The following RASGEF1A variants were observed in gnomAD, a reference collection of about 807,000 sequenced individuals.
RASGEF1A encodes the protein RasGEF domain family member 1A.
A neutral mutation model predicts 56.4 loss-of-function variants in RASGEF1A; 18 were observed. That is an observed-to-expected ratio of 0.32 (90% confidence interval 0.22 to 0.47). The LOEUF is 0.47. RASGEF1A is among the 20% of genes least tolerant of loss of function. RASGEF1A has a pLI of 1.00. For synonymous variants in RASGEF1A, 245 were observed against 242.6 expected, an observed-to-expected ratio of 1.01 and a Z score of -0.09; for missense variants, 422 against 627.1, an observed-to-expected ratio of 0.67 and a Z score of 3.49.
chr10:43,262,286 C>T (rs986310173), intron 1 of RASGEF1A, among the ~76,000 whole-genome samples: 1 of 152,196 alleles, frequency 6.6e-6, no homozygotes, highest in African/African-American at 2.4e-5. Flanking sequence ...GCCATGGCAA[C>T]CAGATCCAGG....
At chr10:43,227,132 C>T (rs1439651775) in intron 1 of RASGEF1A, among the ~76,000 whole-genome samples, 2 of 152,192 alleles carry the variant, frequency 1.3e-5, no homozygotes, top group Non-Finnish European at 2.9e-5. Flanking sequence ...GTTTGGTCTC[C>T]TTCCTCTGGT....
chr10:43,234,758 G>A (rs533711012), intron 1 of RASGEF1A, among the ~76,000 whole-genome samples: 106 of 152,342 alleles, frequency 7.0e-4, no homozygotes, highest in African/African-American at 2.4e-3. Flanking sequence ...AGTGGGGCCC[G>A]AGATGCCAAT....
At chr10:43,235,132 T>A (rs1187463452) in intron 1 of RASGEF1A, among the ~76,000 whole-genome samples, 1 of 152,216 alleles carries the variant, frequency 6.6e-6, no homozygotes, top group Non-Finnish European at 1.5e-5. Context: ...AGAATAATAT[T>A]CCATGCACTG....
chr10:43,207,788 C>A, intron 1 of RASGEF1A: 1 of 808,884 alleles, frequency 1.2e-6, no homozygotes, highest in Non-Finnish European at 1.5e-6. Context: ...TTCTGTACCC[C>A]AACGCGCTCT....
At chr10:43,207,913 C>A (rs748502947) in intron 1 of RASGEF1A, 54 of 558,858 alleles carry the variant, frequency 9.7e-5, no homozygotes, top group Non-Finnish European at 1.2e-4. Context: ...CCAAGTCCAG[C>A]CTAGGTGTCA....
chr10:43,261,166 T>G (rs1046564168), intron 1 of RASGEF1A, among the ~76,000 whole-genome samples: 1 of 152,160 alleles, frequency 6.6e-6, no homozygotes, highest in African/African-American at 2.4e-5. Context: ...GAAGAACAGC[T>G]GGGACCCCTG....
rs116999365 is a variant in RASGEF1A at position 43,226,005 on chromosome 10, G to A, written c.-6-19883C>T. 8.5e-3 allele frequency among the ~76,000 whole-genome samples: 1,297 copies of A among 152,230 alleles called. 12 individuals are homozygous for A. Among genetic ancestry groups the A allele is most frequent in the Admixed American group, 0.013 (194 of 15,288 alleles). Reference sequence around the variant, plus strand: ...GGGGCTGGGTCCCAGCCCGGAAGGCGGGTGTGGGCGGTGACAGGGGTGGGG... The same window carrying A: ...GGGGCTGGGTCCCAGCCCGGAAGGCAGGTGTGGGCGGTGACAGGGGTGGGG... On this transcript the variant is annotated intron_variant, in intron 1 of 12. Coordinates refer to ENST00000395810, the MANE Select transcript of RASGEF1A (RefSeq NM_145313.4).
chr10:43,250,891 A>AC (rs1188781723), intron 1 of RASGEF1A, among the ~76,000 whole-genome samples: 1 of 152,154 alleles, frequency 6.6e-6, no homozygotes, highest in Non-Finnish European at 1.5e-5. Flanking sequence ...CCAGGCACTG[A>AC]CCCGCAACCC....
intron 1 of RASGEF1A, among the ~76,000 whole-genome samples, chr10:43,228,963 A>G (rs1840320174): frequency 6.6e-6 from 1 of 152,212 alleles, no homozygotes; most frequent in Non-Finnish European, 1.5e-5. Context: ...GGGCACTCAG[A>G]ACCCAGGGGG....
In RASGEF1A at chr10:43,198,078, G is replaced by A. The variant is rs1422534943; in HGVS notation, c.1150C>T (p.Leu384Phe). The A allele has an allele frequency of 6.2e-7, 1 of 1,614,202 alleles. No individual in the cohort carries two copies. The highest frequency in any genetic ancestry group is 1.7e-5 in the Admixed American group (1 of 60,032). The change falls in exon 10 of 13, where the codon CTC becomes TTC. Residue 384 changes from leucine to phenylalanine, a missense_variant. Physicochemically the swap from Leu to Phe is conservative, Grantham distance 22. Around this residue, in one of 2 missense-constraint regions of RASGEF1A, gnomAD observed 149 missense variants for 287.2 expected, o/e 0.52. Transcript: ENST00000395810. ...AGGAAGTAGATGTCCTTAACGAAGAGGTTGAACACAGGGATGACGATCTTT... is the reference window on the plus strand; with the variant it reads ...AGGAAGTAGATGTCCTTAACGAAGAAGTTGAACACAGGGATGACGATCTTT... ...REKIVIPVFN[L>F]FVKDIYFLHK... is the part of the protein sequence containing the mutation.
chr10:43,220,339 A>G (rs2133201844), intron 1 of RASGEF1A, among the ~76,000 whole-genome samples: 1 of 152,286 alleles, frequency 6.6e-6, no homozygotes, highest in Non-Finnish European at 1.5e-5. Context: ...GTCTCTACAG[A>G]AAAATTAGCC....
At position 43,200,775 on chromosome 10, in the gene RASGEF1A, T is replaced by C; in HGVS notation, c.573A>G (p.Val191=). Residue 191 remains valine (V), a synonymous_variant, in exon 5 of 13, where the codon GTA becomes GTG. Transcript: ENST00000395810. ...TGGTCTTGAGGATGGGCCCCTTGTC[T>C]ACAGCCGGTGGCCGGAGCTTCTCTC... is the stretch of plus-strand genomic sequence containing the variant. ...ELREKLRPPA[V]DKGPILKTKP... 1 of 1,613,956 alleles carries C rather than the reference T, an allele frequency of 6.2e-7. No homozygotes were observed.
rs1179296407 is a variant in RASGEF1A at position 43,210,325 on chromosome 10, T to A, written c.-6-4203A>T. ...GTCTCTACTAACATTCAAAAAAAAA[T>A]TAGCCAGGTGTGGTGGCACAGGCCT... On this transcript the variant is annotated intron_variant, in intron 1 of 12. Transcript: ENST00000395810. Among the ~76,000 whole-genome samples the A allele has an allele frequency of 2.6e-5, 4 of 151,972 alleles. No individual in the cohort carries two copies. The Middle Eastern group carries it at 0.01, about 388-fold the overall frequency.
chr10:43,234,863 G>A (rs1433630132), intron 1 of RASGEF1A, among the ~76,000 whole-genome samples: 3 of 152,160 alleles, frequency 2.0e-5, no homozygotes, highest in African/African-American at 7.2e-5. Flanking sequence ...TCAGGGGTCC[G>A]AGGGCTCACG....
intron 1 of RASGEF1A, among the ~76,000 whole-genome samples, chr10:43,215,494 G>C (rs1288165147): frequency 6.6e-6 from 1 of 152,220 alleles, no homozygotes; most frequent in Non-Finnish European, 1.5e-5. Flanking sequence ...GTGGGCCTCA[G>C]GAGGGGAGAG....
intron 10 of RASGEF1A, among the ~76,000 whole-genome samples, 185 bp from the exon 11 acceptor site, chr10:43,197,284 C>A (rs994687204): frequency 6.6e-6 from 1 of 152,202 alleles, no homozygotes; most frequent in African/African-American, 2.4e-5. Context: ...TCAGAGCCAG[C>A]AGGTGTCCCC....
chr10:43,243,988 TG>T (rs1840539907), intron 1 of RASGEF1A, among the ~76,000 whole-genome samples: 1 of 152,204 alleles, frequency 6.6e-6, no homozygotes, highest in Admixed American at 6.5e-5. Flanking sequence ...AGATTGTTAC[TG>T]TGTCTGTGTA....
At chr10:43,227,600 G>A (rs1840297709) in intron 1 of RASGEF1A, among the ~76,000 whole-genome samples, 1 of 152,174 alleles carries the variant, frequency 6.6e-6, no homozygotes, top group Non-Finnish European at 1.5e-5. Context: ...GAGCCAGCAG[G>A]TGCAGGTGTG....
intron 1 of RASGEF1A, among the ~76,000 whole-genome samples, chr10:43,256,393 C>G (rs760195834): frequency 5.3e-5 from 8 of 152,046 alleles, no homozygotes; most frequent in Non-Finnish European, 1.2e-4. Context: ...AAGGGCTGAG[C>G]GGCTTGTCAC....
Sources: allele counts gnomAD v4.1 joint callset (sites outside exome capture counted in the v4.1 genomes callset), GRCh38; gene constraint gnomAD v4.1.1; regional missense constraint gnomAD v4.1.1; transcripts MANE v1.5; gene names NCBI Gene and HGNC (gene_info 2026-07-23, HGNC 2026-07-21).